Variants in NR6A1 observed in about 807,000 individuals in gnomAD.
NR6A1 encodes the protein nuclear receptor subfamily 6 group A member 1, also known as retinoic acid receptor-related testis-associated receptor.
In NR6A1, 7 loss-of-function variants were observed where a neutral mutation model predicts 59.1. The observed-to-expected ratio is 0.12, with a 90% CI of 0.07 to 0.22. NR6A1 has a LOEUF of 0.22. Among genes scored for constraint, NR6A1 ranks in the 10% least tolerant of loss-of-function variants. The pLI is 1.00. For synonymous variants in NR6A1, 243 were observed against 236.1 expected, an observed-to-expected ratio of 1.03 and a Z score of -0.27; for missense variants, 468 against 611.6, an observed-to-expected ratio of 0.77 and a Z score of 2.48.
chr9:124,592,947 GA>G (rs1179400936), intron 2 of NR6A1, among the ~76,000 whole-genome samples: 1 of 152,138 alleles, frequency 6.6e-6, no homozygotes, highest in Admixed American at 6.5e-5. Flanking sequence ...TAGTCCTCTG[GA>G]AAAGGATACA....
At chr9:124,735,565 T>C (rs1268221750) in intron 1 of NR6A1, among the ~76,000 whole-genome samples, 1 of 152,114 alleles carries the variant, frequency 6.6e-6, no homozygotes, top group African/African-American at 2.4e-5. Flanking sequence ...GTCTGAATAG[T>C]GTGTGTAAAG....
chr9:124,524,663 C>T lies in NR6A1; in HGVS notation c.1354+58G>A, dbSNP rs1170014727. The T allele has an allele frequency of 3.2e-6, 5 of 1,582,736 alleles. No homozygotes were observed. In the African/African-American group the frequency reaches 5.4e-5, roughly 17 times the overall value. Reference sequence around the variant, plus strand: ...CCCTGAAAACACTGCTTGCCTCATTCCCTTCACAAGCTAAGAGAAGCAAGG... The same window carrying T: ...CCCTGAAAACACTGCTTGCCTCATTTCCTTCACAAGCTAAGAGAAGCAAGG... On this transcript the variant is annotated intron_variant, in intron 9 of 9. Transcript: ENST00000487099.
chr9:124,619,636 G>C (rs1588714349), intron 2 of NR6A1, among the ~76,000 whole-genome samples: 1 of 152,122 alleles, frequency 6.6e-6, no homozygotes, highest in South Asian at 2.1e-4. Context: ...AGACTGCCCA[G>C]GTTTCAGTTT....
intron 2 of NR6A1, chr9:124,599,370 G>T: frequency 2.8e-6 from 1 of 360,292 alleles, no homozygotes; most frequent in Non-Finnish European, 5.2e-6. Flanking sequence ...AGTGAGCCGA[G>T]ATGGCGCCAT....
At chr9:124,640,721 C>T (rs901410240) in intron 2 of NR6A1, among the ~76,000 whole-genome samples, 1 of 151,808 alleles carries the variant, frequency 6.6e-6, no homozygotes, top group Admixed American at 6.6e-5. Context: ...TTTTTACACA[C>T]ATATACATCT....
intron 2 of NR6A1, among the ~76,000 whole-genome samples, chr9:124,629,988 A>T (rs945454977): frequency 6.6e-6 from 1 of 152,236 alleles, no homozygotes; most frequent in East Asian, 1.9e-4. Flanking sequence ...ACATTTTGAG[A>T]TACTAAAGTA....
chr9:124,728,093 C>T (rs1325850552), intron 2 of NR6A1, among the ~76,000 whole-genome samples: 2 of 151,906 alleles, frequency 1.3e-5, no homozygotes, highest in Non-Finnish European at 2.9e-5. Context: ...GTGGCATGAT[C>T]TCAGCTCACT....
intron 2 of NR6A1, among the ~76,000 whole-genome samples, chr9:124,686,305 CTTGT>C (rs367959475): frequency 1.7e-3 from 259 of 152,296 alleles, no homozygotes; most frequent in African/African-American, 5.4e-3. Flanking sequence ...GGTAACTGTT[CTTGT>C]TTATTTCATT....
chr9:124,746,538 A>G (rs1040949236), intron 1 of NR6A1, among the ~76,000 whole-genome samples: 1 of 152,196 alleles, frequency 6.6e-6, no homozygotes, highest in Non-Finnish European at 1.5e-5. Context: ...GCAGTGAGCC[A>G]AGATTGCCTA....
intron 8 of NR6A1, among the ~76,000 whole-genome samples, chr9:124,525,681 C>CGA (rs1258863453): frequency 6.8e-6 from 1 of 147,822 alleles, no homozygotes; most frequent in East Asian, 2.0e-4. Context: ...AAATAGATCT[C>CGA]TCTCTCTCTC....
At chr9:124,527,592 G>C (rs980097549) in intron 7 of NR6A1, among the ~76,000 whole-genome samples, 1 of 152,206 alleles carries the variant, frequency 6.6e-6, no homozygotes, top group Non-Finnish European at 1.5e-5. Context: ...CTGTACAAAT[G>C]AGCAACTGAA....
intron 9 of NR6A1, 143 bp from the exon 10 acceptor site, chr9:124,522,936 G>A: frequency 3.2e-6 from 2 of 627,968 alleles, no homozygotes; most frequent in Non-Finnish European, 2.8e-6. Flanking sequence ...ACAAAGGTTG[G>A]ACACACTGGG....
rs112436827 is a variant in NR6A1 at position 124,648,404 on chromosome 9, A to G, written c.142+84904T>C. 4.6e-3 allele frequency among the ~76,000 whole-genome samples: 708 copies of G among 152,334 alleles called. 6 individuals carry two copies. The highest frequency in any genetic ancestry group is 0.016 in the African/African-American group (661 of 41,574). On this transcript the variant is annotated intron_variant, in intron 2 of 9. Transcript: ENST00000487099. ...TGCTAAAAAGTATTTAATAAAATTC[A>G]ATACCACTTCATAATAAAAACTCAA...
At chr9:124,743,302 G>C (rs1840228953) in intron 1 of NR6A1, among the ~76,000 whole-genome samples, 2 of 152,188 alleles carry the variant, frequency 1.3e-5, no homozygotes, top group African/African-American at 4.8e-5. Flanking sequence ...AAGAATAACA[G>C]AAAATGCTTT....
At chr9:124,568,853 C>T (rs1229655667) in intron 2 of NR6A1, among the ~76,000 whole-genome samples, 1 of 151,868 alleles carries the variant, frequency 6.6e-6, no homozygotes, top group Non-Finnish European at 1.5e-5. Flanking sequence ...GTGGCTCACG[C>T]CTGTAATCCC....
At chr9:124,695,273 G>A (rs1305436836) in intron 2 of NR6A1, among the ~76,000 whole-genome samples, 8 of 152,168 alleles carry the variant, frequency 5.3e-5, no homozygotes, top group African/African-American at 1.4e-4. Context: ...ATCAAATTGT[G>A]TCTGATGTTT....
chr9:124,564,681 C>CTGTGTGTGTGTG (rs56301413), intron 2 of NR6A1, among the ~76,000 whole-genome samples: 108 of 149,396 alleles, frequency 7.2e-4, no homozygotes, highest in African/African-American at 2.3e-3. Flanking sequence ...AATCCACACT[C>CTGTGTGTGTGTG]TGTGTGTGTG....
At chr9:124,605,287 A>T (rs1390673169) in intron 2 of NR6A1, among the ~76,000 whole-genome samples, 2 of 152,256 alleles carry the variant, frequency 1.3e-5, no homozygotes, top group African/African-American at 4.8e-5. Context: ...GGGGGAAAAA[A>T]GATGGAGGAG....
chr9:124,588,313 T>C (rs1834993335), intron 2 of NR6A1, among the ~76,000 whole-genome samples: 1 of 151,770 alleles, frequency 6.6e-6, no homozygotes, highest in Middle Eastern at 3.2e-3. Context: ...GGAACCTAGA[T>C]CTAGAATTTT....
Sources: gnomAD v4.1 joint callset for allele counts (sites outside exome capture counted in the v4.1 genomes callset) on GRCh38, gnomAD v4.1.1 for gene constraint, MANE v1.5 for transcripts, NCBI Gene and HGNC (gene_info 2026-07-23, HGNC 2026-07-21) for gene names.